The following ABCA9 variants were observed in gnomAD, a reference collection of about 807,000 sequenced individuals.
ABCA9 encodes the protein ATP binding cassette subfamily A member 9.
Under a neutral mutation model 205.3 loss-of-function variants are expected in ABCA9, and 183 were observed. The observed-to-expected ratio is 0.89, with a 90% CI of 0.79 to 1.01. The LOEUF is 1.01. ABCA9 is among the 50% of genes least tolerant of loss of function. The probability of loss-of-function intolerance (pLI) is 0.00; values close to 1 mark genes in which losing one functional copy is unlikely to be tolerated. For missense variants in ABCA9, 1,805 were observed against 1,912.4 expected, an observed-to-expected ratio of 0.94 and a Z score of 1.05; for synonymous variants, 651 against 683.3, an observed-to-expected ratio of 0.95 and a Z score of 0.74.
At position 69,025,495 on chromosome 17, in the gene ABCA9, T is replaced by C. The variant is rs981239800; in HGVS notation, c.2141+882A>G. 3.3e-5 allele frequency among the ~76,000 whole-genome samples: 5 copies of C among 152,100 alleles called. 1 individual carries two copies. The highest frequency in any genetic ancestry group is 2.1e-4 in the South Asian group (1 of 4,828). On this transcript the variant is annotated intron_variant, in intron 16 of 38. Transcript: ENST00000340001. ...AACAAGACAACTGAACTATGAAACA[T>C]AGCTAGAGAATAGTGAGTATTCAAT...
chr17:69,046,712 C>A (rs1263487212), intron 3 of ABCA9, among the ~76,000 whole-genome samples: 1 of 151,354 alleles, frequency 6.6e-6, no homozygotes, highest in Non-Finnish European at 1.5e-5. Flanking sequence ...TCTCTTATCA[C>A]ACACTCAAGA....
At chr17:69,016,433 A>G in intron 21 of ABCA9, 43 bp from the exon 22 acceptor site, 1 of 1,509,844 alleles carries the variant, frequency 6.6e-7, no homozygotes, top group Non-Finnish European at 8.8e-7. Context: ...CATAAAGCAA[A>G]GACAAAATTT....
At chr17:68,989,764 C>A in intron 30 of ABCA9, 49 bp downstream of exon 30, 1 of 1,089,920 alleles carries the variant, frequency 9.2e-7, no homozygotes. Flanking sequence ...CTGAATAATC[C>A]AGTCTTCAGA....
chr17:69,064,651 A>G (rs2072327107), upstream of ABCA9, among the ~76,000 whole-genome samples: 1 of 152,220 alleles, frequency 6.6e-6, no homozygotes, highest in African/African-American at 2.4e-5. Flanking sequence ...AAAGGAAATA[A>G]CATATGTAAA....
chr17:68,987,744 T>TG (rs1402830382), intron 31 of ABCA9, among the ~76,000 whole-genome samples: 3 of 88,110 alleles, frequency 3.4e-5, no homozygotes, highest in African/African-American at 9.7e-5. Flanking sequence ...GCGTTTTTTT[T>TG]TGTTTGTTTG....
intron 16 of ABCA9, 40 bp downstream of exon 16, chr17:69,026,337 T>C: frequency 6.5e-7 from 1 of 1,540,534 alleles, no homozygotes; most frequent in Non-Finnish European, 8.9e-7. Flanking sequence ...TCCAGCATTT[T>C]CAGCATCTGT....
At chr17:69,026,226 G>T in intron 16 of ABCA9, 151 bp downstream of exon 16, 1 of 618,426 alleles carries the variant, frequency 1.6e-6, no homozygotes, top group East Asian at 2.6e-5. Flanking sequence ...CTGCATTCTA[G>T]CTAAAAAAGC....
intron 31 of ABCA9, 110 bp from the exon 32 acceptor site, chr17:68,986,434 G>T: frequency 1.9e-6 from 2 of 1,075,012 alleles, no homozygotes; most frequent in Non-Finnish European, 2.5e-6. Context: ...CAGGTGCTAA[G>T]TGCACAAATG....
chr17:69,032,511 A>T (rs533156284), intron 9 of ABCA9: 1 of 356,964 alleles, frequency 2.8e-6, no homozygotes, highest in African/African-American at 2.1e-5. Flanking sequence ...TAACTAACTA[A>T]AAAGCTCCTC....
intron 10 of ABCA9, 54 bp from the exon 11 acceptor site, chr17:69,029,281 G>T: frequency 8.8e-7 from 1 of 1,136,078 alleles, no homozygotes; most frequent in Non-Finnish European, 1.3e-6. Context: ...GCAGAGGATT[G>T]ATAAGTCAAG....
intron 37 of ABCA9, among the ~76,000 whole-genome samples, chr17:68,979,466 G>A (rs996698625): frequency 3.3e-5 from 5 of 150,802 alleles, no homozygotes; most frequent in African/African-American, 1.2e-4. Context: ...AAAAGAGCCT[G>A]CATTGCCAAG....
At chr17:69,021,353 G>T (rs2070801757) in intron 18 of ABCA9, among the ~76,000 whole-genome samples, 1 of 152,128 alleles carries the variant, frequency 6.6e-6, no homozygotes, top group South Asian at 2.1e-4. Context: ...AGATGAGACA[G>T]AGAGCAAACT....
chr17:69,037,166 A>C (rs1010318124), intron 6 of ABCA9, among the ~76,000 whole-genome samples: 4 of 152,152 alleles, frequency 2.6e-5, no homozygotes, highest in African/African-American at 9.7e-5. Flanking sequence ...TGTGACAGAA[A>C]CTTAACAAGG....
intron 36 of ABCA9, among the ~76,000 whole-genome samples, 166 bp downstream of exon 36, chr17:68,983,543 T>C (rs1398840282): frequency 1.3e-5 from 2 of 152,212 alleles, no homozygotes; most frequent in Non-Finnish European, 2.9e-5. Context: ...TTTGTTCTCT[T>C]ATTTCCCTCT....
Position 69,035,711 on chromosome 17 carries a change from C to T in ABCA9, c.891G>A (p.Leu297=). The change falls in exon 7 of 39, where the codon CTG becomes CTA. Residue 297 remains leucine (L), a synonymous_variant. Transcript: ENST00000340001. The part of the protein sequence containing the change: ...LIVKSAQIVV[L]TGFVMVFTLF... ...GGGTGAAGACCATCACAAAACCAGT[C>T]AGGACGACAATTTGTGCAGATTTTA... 6.2e-7 allele frequency: 1 copy of T among 1,613,642 alleles called. No individual in the cohort carries two copies. Among genetic ancestry groups the T allele is most frequent in the South Asian group, 1.1e-5 (1 of 91,040 alleles).
intron 12 of ABCA9, 102 bp downstream of exon 12, chr17:69,028,433 G>C (rs930447373): frequency 1.5e-5 from 10 of 685,566 alleles, no homozygotes; most frequent in Non-Finnish European, 2.3e-5. Flanking sequence ...CCAAAGTGCT[G>C]GGATTACAGG....
At position 68,986,199 on chromosome 17, in the gene ABCA9, A is replaced by C. The variant is rs1328276741; in HGVS notation, c.4173T>G (p.Gly1391=). The C allele has an allele frequency of 6.2e-7, 1 of 1,612,680 alleles. No homozygotes were observed. The highest frequency in any genetic ancestry group is 1.7e-5 in the Admixed American group (1 of 59,850). The change falls in exon 32 of 39, where the codon GGT becomes GGG. Residue 1391 remains glycine, a synonymous_variant. Transcript: ENST00000340001. The stretch of plus-strand genomic sequence containing the variant: ...CGATCATTGCGTCCCCTTTCCTGAG[A>C]CCTTTCACGGCAGCGTACACCTCCA... ...QHLEVYAAVK[G]LRKGDAMIAI... is the part of the protein sequence containing the mutation.
chr17:68,999,290 C>T (rs1272678286), intron 25 of ABCA9, among the ~76,000 whole-genome samples: 6 of 119,742 alleles, frequency 5.0e-5, no homozygotes, highest in South Asian at 3.3e-4. Context: ...CCCCACCCCA[C>T]AACAGTCCCC....
chr17:69,022,748 C>G (rs141738853), intron 17 of ABCA9, among the ~76,000 whole-genome samples: 20 of 152,270 alleles, frequency 1.3e-4, no homozygotes, highest in African/African-American at 4.8e-4. Context: ...CTCCCTCTCT[C>G]TTTCAACTTC....
Sources: gnomAD v4.1 joint callset for allele counts (sites outside exome capture counted in the v4.1 genomes callset) on GRCh38, gnomAD v4.1.1 for gene constraint, MANE v1.5 for transcripts, NCBI Gene and HGNC (gene_info 2026-07-23, HGNC 2026-07-21) for gene names.